The following LRRC7 variants were observed in gnomAD, a reference collection of about 807,000 sequenced individuals.
LRRC7 encodes leucine rich repeat containing 7, also known as leucine-rich repeat-containing protein 7.
A neutral mutation model predicts 175.7 loss-of-function variants in LRRC7; 23 were observed. The observed-to-expected ratio is 0.13, with a 90% confidence interval of 0.09 to 0.19. The LOEUF (loss-of-function observed/expected upper bound fraction) is 0.19, where lower values mean the gene tolerates loss of function less well. Ranked by LOEUF, LRRC7 falls within the 10% of genes least tolerant of loss-of-function variation. The probability of loss-of-function intolerance (pLI) is 1.00; values close to 1 mark genes in which losing one functional copy is unlikely to be tolerated. For missense variants in LRRC7, 1,354 were observed against 1,904.7 expected (o/e 0.71, Z 5.38); for synonymous variants, 685 against 680.9 (o/e 1.01, Z -0.09).
intron 2 of LRRC7, among the ~76,000 whole-genome samples, chr1:69,713,236 A>G (rs951876358): frequency 1.3e-5 from 2 of 152,198 alleles, no homozygotes; most frequent in African/African-American, 4.8e-5. Context: ...CTGTAATCCC[A>G]GCACTTTGGG....
intron 24 of LRRC7, among the ~76,000 whole-genome samples, chr1:70,086,517 G>A (rs1663625102): frequency 6.6e-6 from 1 of 152,106 alleles, no homozygotes; most frequent in South Asian, 2.1e-4. Context: ...GGTGGCTCAC[G>A]ACTATAATCC....
chr1:70,097,544 C>T (rs1664498784), intron 25 of LRRC7, among the ~76,000 whole-genome samples: 1 of 151,726 alleles, frequency 6.6e-6, no homozygotes, highest in Non-Finnish European at 1.5e-5. Context: ...ATGTGCCATG[C>T]TGGTGCGCTG....
At chr1:69,935,059 G>C (rs951746752) in intron 8 of LRRC7, among the ~76,000 whole-genome samples, 2 of 152,160 alleles carry the variant, frequency 1.3e-5, no homozygotes, top group African/African-American at 4.8e-5. Context: ...GTGAGAAGTA[G>C]TCTATATGTG....
intron 1 of LRRC7, among the ~76,000 whole-genome samples, chr1:69,648,884 C>A (rs1655377810): frequency 6.6e-6 from 1 of 152,096 alleles, no homozygotes; most frequent in African/African-American, 2.4e-5. Flanking sequence ...GTAGACAGCA[C>A]AAATAGTATA....
chr1:70,013,583 C>A (rs1400499047), intron 13 of LRRC7, among the ~76,000 whole-genome samples: 1 of 151,770 alleles, frequency 6.6e-6, no homozygotes, highest in East Asian at 1.9e-4. Context: ...ATGTTTAGAG[C>A]AGATGAATGA....
chr1:69,593,711 A>T (rs1173014703), intron 1 of LRRC7, among the ~76,000 whole-genome samples: 1 of 152,210 alleles, frequency 6.6e-6, no homozygotes, highest in African/African-American at 2.4e-5. Context: ...ACATATTTAC[A>T]GCTGAAATCA....
intron 2 of LRRC7, among the ~76,000 whole-genome samples, chr1:69,736,337 A>G (rs529482887): frequency 1.3e-5 from 2 of 152,262 alleles, no homozygotes; most frequent in African/African-American, 4.8e-5. Context: ...ATTTGGCTGT[A>G]CTTCATCTCT....
intron 4 of LRRC7, among the ~76,000 whole-genome samples, chr1:69,819,133 A>G (rs1167454741): frequency 6.6e-6 from 1 of 152,016 alleles, no homozygotes; most frequent in Non-Finnish European, 1.5e-5. Context: ...TTTTCTAATT[A>G]CTTGAAGTGT....
intron 24 of LRRC7, among the ~76,000 whole-genome samples, chr1:70,084,118 T>A (rs1168363731): frequency 1.3e-5 from 2 of 152,196 alleles, no homozygotes; most frequent in South Asian, 4.1e-4. Context: ...CTCCTTCTAT[T>A]CTTTCTTTAG....
chr1:69,856,855 A>C (rs1374507053), intron 7 of LRRC7, among the ~76,000 whole-genome samples: 1 of 152,206 alleles, frequency 6.6e-6, no homozygotes, highest in African/African-American at 2.4e-5. Context: ...ATCAATGCAA[A>C]AATCCTCAAT....
chr1:69,694,583 C>G (rs143806946), intron 2 of LRRC7, among the ~76,000 whole-genome samples: 1 of 152,122 alleles, frequency 6.6e-6, no homozygotes, highest in Non-Finnish European at 1.5e-5. Flanking sequence ...ATGTTGAAAT[C>G]TGACCTTCAA....
intron 2 of LRRC7, among the ~76,000 whole-genome samples, chr1:69,679,213 A>G (rs1027379119): frequency 6.6e-6 from 1 of 152,100 alleles, no homozygotes; most frequent in Non-Finnish European, 1.5e-5. Context: ...TTTGCATATA[A>G]TTATTTTCAG....
At chr1:69,804,072 T>G (rs971149465) in intron 4 of LRRC7, among the ~76,000 whole-genome samples, 1 of 151,418 alleles carries the variant, frequency 6.6e-6, no homozygotes, top group Non-Finnish European at 1.5e-5. Flanking sequence ...TACTTTCTTA[T>G]GGTTTACTAA....
intron 17 of LRRC7, among the ~76,000 whole-genome samples, chr1:70,024,759 A>G (rs1428444057): frequency 6.6e-6 from 1 of 152,168 alleles, no homozygotes; most frequent in African/African-American, 2.4e-5. Flanking sequence ...AACTGGGTCT[A>G]TGATCATGTT....
In LRRC7 at chr1:69,721,014, C is replaced by A. The variant is rs530952649; in HGVS notation, c.101-39177C>A. On this transcript the variant is annotated intron_variant, in intron 2 of 26. Coordinates refer to ENST00000651989, the MANE Select transcript of LRRC7 (RefSeq NM_001370785.2). ...TGTCAACTAGTACAGACTAATGTAT[C>A]CTTTCTTTTCTTTTACTCAGAATTC... Among the ~76,000 whole-genome samples, 5 of 151,814 alleles carry A rather than the reference C, an allele frequency of 3.3e-5. No homozygotes were observed. The South Asian group carries it at 1.0e-3, about 32-fold the overall frequency.
intron 9 of LRRC7, among the ~76,000 whole-genome samples, chr1:69,981,564 T>A (rs1653434007): frequency 6.6e-6 from 1 of 152,162 alleles, no homozygotes; most frequent in Non-Finnish European, 1.5e-5. Flanking sequence ...AATGTCAGGG[T>A]TACAAAGATA....
chr1:69,587,203 T>C (rs1569723159), intron 1 of LRRC7, among the ~76,000 whole-genome samples: 2 of 152,280 alleles, frequency 1.3e-5, no homozygotes, highest in East Asian at 3.9e-4. Flanking sequence ...AAACTTAAAA[T>C]ATTCTACTTC....
intron 2 of LRRC7, among the ~76,000 whole-genome samples, chr1:69,704,321 C>A (rs1663754840): frequency 6.6e-6 from 1 of 151,892 alleles, no homozygotes; most frequent in South Asian, 2.1e-4. Flanking sequence ...TTCATTAGTT[C>A]AGTAGGCAGT....
chr1:69,932,208 T>G (rs1266043598), intron 8 of LRRC7, among the ~76,000 whole-genome samples: 1 of 152,162 alleles, frequency 6.6e-6, no homozygotes, highest in Non-Finnish European at 1.5e-5. Context: ...CTTTCTCTAT[T>G]CAGAAGTCTT....
Sources: allele counts gnomAD v4.1 joint callset (sites outside exome capture counted in the v4.1 genomes callset), GRCh38; gene constraint gnomAD v4.1.1; transcripts MANE v1.5; gene names NCBI Gene and HGNC (gene_info 2026-07-23, HGNC 2026-07-21).